UNC5B: variants seen among roughly 807,000 people sequenced by gnomAD.
UNC5B encodes the protein netrin receptor UNC5B.
A neutral mutation model predicts 103.7 loss-of-function variants in UNC5B; 56 were observed. The observed-to-expected ratio is 0.54, with a 90% confidence interval of 0.44 to 0.67. UNC5B has a LOEUF of 0.67. Ranked by LOEUF, UNC5B falls within the 30% of genes least tolerant of loss-of-function variation. The pLI is 0.00. For synonymous variants in UNC5B, 577 were observed against 542.0 expected, an observed-to-expected ratio of 1.06 and a Z score of -0.90; for missense variants, 1,194 against 1,284.5, an observed-to-expected ratio of 0.93 and a Z score of 1.08.
Position 71,299,526 on chromosome 10 carries a change from G to A in UNC5B, c.*249G>A, listed in dbSNP as rs1190990236. ...TCTCTTGGCCTGAGATCTCTGTGCA[G>A]GAACCAAGATGGGGCTGAAGCCTCT... On this transcript the variant is annotated 3_prime_UTR_variant, in exon 17 of 17. Coordinates refer to ENST00000335350, the MANE Select transcript of UNC5B (RefSeq NM_170744.5). 6 of 453,684 alleles carry A rather than the reference G, an allele frequency of 1.3e-5. No individual in the cohort carries two copies. The highest frequency in any genetic ancestry group is 2.0e-5 in the Non-Finnish European group (5 of 253,986). 28.1% of individuals were successfully genotyped at this position (453,684 alleles called of 1,614,324 possible). A position where few individuals can be genotyped will look rare whatever the true frequency, so the allele number is the denominator to read the frequency against.
At chr10:71,224,385 A>G (rs1198659453) in intron 1 of UNC5B, among the ~76,000 whole-genome samples, 22 of 151,036 alleles carry the variant, frequency 1.5e-4, no homozygotes, top group Admixed American at 2.0e-4. Context: ...ACACACACAC[A>G]CACACACACA....
intron 1 of UNC5B, among the ~76,000 whole-genome samples, chr10:71,266,723 T>C (rs1844532365): frequency 6.6e-6 from 1 of 152,170 alleles, no homozygotes; most frequent in Admixed American, 6.5e-5. Flanking sequence ...CACTCACTGT[T>C]TTTTCCTGAG....
intron 1 of UNC5B, among the ~76,000 whole-genome samples, chr10:71,248,196 C>T (rs1007470783): frequency 3.9e-5 from 6 of 152,120 alleles, no homozygotes; most frequent in African/African-American, 1.2e-4. Flanking sequence ...TGGGGCCTCC[C>T]TGGGTCCTGT....
intron 6 of UNC5B, 23 bp from the exon 7 acceptor site, chr10:71,288,545 T>G: frequency 6.2e-7 from 1 of 1,604,026 alleles, no homozygotes. Context: ...GTGCACATGC[T>G]CCTGTATGCC....
chr10:71,272,946 A>G (rs985952913), intron 1 of UNC5B, among the ~76,000 whole-genome samples: 1 of 152,150 alleles, frequency 6.6e-6, no homozygotes, highest in Admixed American at 6.5e-5. Context: ...CTGGAATGCA[A>G]TAGTGAGATC....
At chr10:71,262,492 T>C (rs1844436414) in intron 1 of UNC5B, among the ~76,000 whole-genome samples, 1 of 152,124 alleles carries the variant, frequency 6.6e-6, no homozygotes, top group Non-Finnish European at 1.5e-5. Context: ...GGCCACTTCC[T>C]TGGGGAGAAC....
At chr10:71,254,083 C>A (rs1349510573) in intron 1 of UNC5B, among the ~76,000 whole-genome samples, 1 of 152,188 alleles carries the variant, frequency 6.6e-6, no homozygotes, top group Non-Finnish European at 1.5e-5. Flanking sequence ...CACATCAAGT[C>A]AGCAGTATTG....
At chr10:71,236,089 G>C (rs1843769990) in intron 1 of UNC5B, among the ~76,000 whole-genome samples, 1 of 152,264 alleles carries the variant, frequency 6.6e-6, no homozygotes, top group African/African-American at 2.4e-5. Flanking sequence ...GGAGGGAACA[G>C]TGGAGATCTG....
chr10:71,262,973 C>T (rs1464936271), intron 1 of UNC5B, among the ~76,000 whole-genome samples: 3 of 152,172 alleles, frequency 2.0e-5, no homozygotes, highest in African/African-American at 4.8e-5. Flanking sequence ...AGATGCCAGA[C>T]GAAGAGCCAG....
At chr10:71,285,461 G>A in intron 4 of UNC5B, 32 bp downstream of exon 4, 3 of 1,534,386 alleles carry the variant, frequency 2.0e-6, no homozygotes, top group Non-Finnish European at 2.6e-6. Context: ...ACTGAGCACG[G>A]CCCTGTGGCC....
At chr10:71,220,591 T>G (rs1403061095) in intron 1 of UNC5B, among the ~76,000 whole-genome samples, 1 of 152,192 alleles carries the variant, frequency 6.6e-6, no homozygotes. Context: ...GTTGGGCAGC[T>G]CACCTAACTG....
intron 1 of UNC5B, among the ~76,000 whole-genome samples, chr10:71,243,464 G>A (rs866575743): frequency 8.5e-5 from 13 of 152,310 alleles, no homozygotes; most frequent in South Asian, 4.1e-4. Flanking sequence ...TATGGCCAGG[G>A]TGATGAAGGA....
intron 2 of UNC5B, 39 bp from the exon 3 acceptor site, chr10:71,284,681 T>C: frequency 1.2e-6 from 2 of 1,610,026 alleles, no homozygotes; most frequent in Non-Finnish European, 1.7e-6. Context: ...CATCCTTGCT[T>C]TGCCCCTGCC....
chr10:71,244,601 G>A (rs748085923), intron 1 of UNC5B, among the ~76,000 whole-genome samples: 9 of 152,202 alleles, frequency 5.9e-5, no homozygotes, highest in Non-Finnish European at 1.2e-4. Flanking sequence ...CGGGGAGCAG[G>A]TGGAAGGAAA....
chr10:71,269,427 G>A (rs1186999764), intron 1 of UNC5B, among the ~76,000 whole-genome samples: 2 of 146,568 alleles, frequency 1.4e-5, no homozygotes, highest in Admixed American at 1.4e-4. Flanking sequence ...TGTGTGATCT[G>A]GAGCCAGACC....
At chr10:71,234,194 C>G (rs561783001) in intron 1 of UNC5B, among the ~76,000 whole-genome samples, 2 of 152,308 alleles carry the variant, frequency 1.3e-5, no homozygotes, top group Non-Finnish European at 2.9e-5. Context: ...CAGGGTCACA[C>G]AGCCAGGAAG....
rs1382333979 is a variant in UNC5B at position 71,295,967 on chromosome 10, G to T, written c.2325+7G>T. 17 of 1,612,474 alleles carry T rather than the reference G, an allele frequency of 1.1e-5. No individual in the cohort carries two copies. The highest frequency in any genetic ancestry group is 1.4e-5 in the Non-Finnish European group (17 of 1,179,996). On this transcript the variant is annotated splice_region_variant and intron_variant, in intron 14 of 16. Coordinates refer to ENST00000335350, the MANE Select transcript of UNC5B (RefSeq NM_170744.5). ...GCTGCTGGCCAAATACCAGGTGAGG[G>T]CTGGGCTGATGGATGGGGAGGGGCA...
intron 2 of UNC5B, among the ~76,000 whole-genome samples, chr10:71,281,294 T>C (rs1844919927): frequency 6.6e-6 from 1 of 152,078 alleles, no homozygotes; most frequent in African/African-American, 2.4e-5. Flanking sequence ...TTTTAAACAA[T>C]AGATTTGGAG....
At chr10:71,240,362 C>T (rs555889021) in intron 1 of UNC5B, among the ~76,000 whole-genome samples, 5 of 152,274 alleles carry the variant, frequency 3.3e-5, no homozygotes, top group African/African-American at 7.2e-5. Context: ...ACCTCTTGAG[C>T]GTGATACCCC....
Sources: gnomAD v4.1 joint callset for allele counts (sites outside exome capture counted in the v4.1 genomes callset) on GRCh38, gnomAD v4.1.1 for gene constraint, MANE v1.5 for transcripts, NCBI Gene and HGNC (gene_info 2026-07-23, HGNC 2026-07-21) for gene names.